The following PPARGC1A variants were observed in gnomAD, a reference collection of about 807,000 sequenced individuals.
PPARGC1A encodes PPARG coactivator 1 alpha, also known as peroxisome proliferator-activated receptor gamma coactivator 1-alpha.
In PPARGC1A, 25 loss-of-function variants were observed where a neutral mutation model predicts 88.7. The observed-to-expected ratio is 0.28, with a 90% CI of 0.21 to 0.39. PPARGC1A has a LOEUF of 0.39. PPARGC1A is among the 10% of genes least tolerant of loss of function. The pLI, the probability that PPARGC1A is intolerant of heterozygous loss-of-function variation, is 1.00. For missense variants in PPARGC1A, 880 were observed against 968.7 expected, an observed-to-expected ratio of 0.91 and a Z score of 1.22; for synonymous variants, 363 against 355.6, an observed-to-expected ratio of 1.02 and a Z score of -0.24.
At chr4:24,351,349 A>G in the PPARGC1A span, among the ~76,000 whole-genome samples, 1 of 151,382 alleles carries the variant, frequency 6.6e-6, no homozygotes, top group African/African-American at 2.4e-5. Context: ...GTGAGCTGTG[A>G]TCACACCACT....
chr4:24,386,420 G>C, the PPARGC1A span, among the ~76,000 whole-genome samples: 32,421 of 152,006 alleles, frequency 0.21, 3,509 homozygotes, highest in East Asian at 0.31. Context: ...AGAAATAAAG[G>C]GTATTCAAAT....
chr4:24,219,658 C>T, the PPARGC1A span, among the ~76,000 whole-genome samples: 14 of 152,210 alleles, frequency 9.2e-5, no homozygotes, highest in African/African-American at 3.1e-4. Flanking sequence ...CTCCTCCCCT[C>T]CTCCAAACAT....
intron 2 of PPARGC1A, among the ~76,000 whole-genome samples, chr4:23,870,211 A>G (rs562091007): frequency 1.5e-4 from 23 of 152,332 alleles, no homozygotes; most frequent in Non-Finnish European, 2.6e-4. Context: ...TGGTGCAGAT[A>G]AATCAAAGAA....
At chr4:23,852,800 T>G (rs1022654291) in intron 2 of PPARGC1A, among the ~76,000 whole-genome samples, 1 of 152,162 alleles carries the variant, frequency 6.6e-6, no homozygotes, top group African/African-American at 2.4e-5. Context: ...GTGAGCACAT[T>G]TTTATCAGCC....
chr4:24,269,946 G>T, the PPARGC1A span, among the ~76,000 whole-genome samples: 1 of 152,098 alleles, frequency 6.6e-6, no homozygotes, highest in Non-Finnish European at 1.5e-5. Flanking sequence ...AATTTTGAGT[G>T]TCAACTTGAC....
chr4:24,461,012 CT>C, the PPARGC1A span, among the ~76,000 whole-genome samples: 1 of 152,214 alleles, frequency 6.6e-6, no homozygotes, highest in Admixed American at 6.5e-5. Flanking sequence ...CAGCCTAGAA[CT>C]GCTGGGCTCA....
At chr4:24,267,859 G>A in the PPARGC1A span, among the ~76,000 whole-genome samples, 2 of 152,050 alleles carry the variant, frequency 1.3e-5, no homozygotes, top group East Asian at 1.9e-4. Context: ...TTACTGTCTT[G>A]TAATTTCCAT....
the PPARGC1A span, among the ~76,000 whole-genome samples, chr4:24,369,878 A>G: frequency 6.6e-6 from 1 of 152,204 alleles, no homozygotes; most frequent in East Asian, 1.9e-4. Flanking sequence ...CTATGGCTCT[A>G]TGTCACCTGC....
At chr4:24,227,929 C>T in the PPARGC1A span, among the ~76,000 whole-genome samples, 1 of 152,196 alleles carries the variant, frequency 6.6e-6, no homozygotes, top group African/African-American at 2.4e-5. Context: ...TCTTGGTTTC[C>T]ATGGGGGAAA....
At chr4:24,240,290 G>A in the PPARGC1A span, among the ~76,000 whole-genome samples, 3 of 152,144 alleles carry the variant, frequency 2.0e-5, no homozygotes. Context: ...CAGGTGAGAG[G>A]AGGACTTGAA....
the PPARGC1A span, among the ~76,000 whole-genome samples, chr4:24,050,871 G>C: frequency 4.6e-5 from 7 of 152,164 alleles, no homozygotes; most frequent in East Asian, 1.4e-3. Context: ...ATTTTATTTA[G>C]AACCTAACCT....
chr4:24,364,321 A>G, the PPARGC1A span, among the ~76,000 whole-genome samples: 4 of 152,184 alleles, frequency 2.6e-5, no homozygotes, highest in African/African-American at 9.6e-5. Flanking sequence ...CATGGCAAAC[A>G]TTGGTTTGTA....
rs962998607 is a variant in PPARGC1A, at chr4:23,809,590, T to C, written c.2019+3157A>G. Among the ~76,000 whole-genome samples the C allele has an allele frequency of 3.3e-5, 5 of 152,198 alleles. 1 individual carries two copies. The highest frequency in any genetic ancestry group is 5.9e-5 in the Non-Finnish European group (4 of 68,032). On this transcript the variant is annotated intron_variant, in intron 10 of 12. Coordinates refer to ENST00000264867, the MANE Select transcript of PPARGC1A (RefSeq NM_013261.5). ...CATGTAAAATTTTCTAAGAGCCACATTTTAAAAAGTAAAAATATGAAAAAT... is the reference window on the plus strand; with the variant it reads ...CATGTAAAATTTTCTAAGAGCCACACTTTAAAAAGTAAAAATATGAAAAAT...
chr4:24,053,249 A>C, the PPARGC1A span, among the ~76,000 whole-genome samples: 1 of 152,018 alleles, frequency 6.6e-6, no homozygotes, highest in South Asian at 2.1e-4. Context: ...CAATACCTCT[A>C]TCCAGTTAAC....
At chr4:24,066,386 G>A in the PPARGC1A span, among the ~76,000 whole-genome samples, 1 of 152,104 alleles carries the variant, frequency 6.6e-6, no homozygotes, top group Non-Finnish European at 1.5e-5. Context: ...TGCTTCACCT[G>A]AAAGAGAGTT....
At chr4:24,177,668 A>T in the PPARGC1A span, among the ~76,000 whole-genome samples, 58 of 52,394 alleles carry the variant, frequency 1.1e-3, no homozygotes, top group East Asian at 0.02. Flanking sequence ...AATAAATAAA[A>T]TTTTTAAAAA....
At chr4:24,427,332 G>C in the PPARGC1A span, among the ~76,000 whole-genome samples, 1 of 149,162 alleles carries the variant, frequency 6.7e-6, no homozygotes, top group African/African-American at 2.5e-5. Flanking sequence ...CCAGGCTAGA[G>C]TGCAGTGATG....
chr4:24,451,969 T>G, the PPARGC1A span, among the ~76,000 whole-genome samples: 5 of 152,190 alleles, frequency 3.3e-5, no homozygotes, highest in South Asian at 2.1e-4. Context: ...AGGTGTTTTT[T>G]GTACGAGATT....
the PPARGC1A span, among the ~76,000 whole-genome samples, chr4:24,471,838 A>G: frequency 6.6e-6 from 1 of 151,662 alleles, no homozygotes; most frequent in African/African-American, 2.4e-5. This position sits in a 1 kb window ranked among gnomAD's most constrained non-coding sequence, Gnocchi z 5.4. Flanking sequence ...CACCCCCCCC[A>G]CCTCCGCGGG....
Sources: gnomAD v4.1 joint callset for allele counts (sites outside exome capture counted in the v4.1 genomes callset) on GRCh38, gnomAD v4.1.1 for gene constraint, Gnocchi (gnomAD v3.1) non-coding constraint, MANE v1.5 for transcripts, NCBI Gene and HGNC (gene_info 2026-07-23, HGNC 2026-07-21) for gene names.